TTC12: variants seen among roughly 807,000 people sequenced by gnomAD.
The protein encoded by TTC12 is tetratricopeptide repeat protein 12.
A neutral mutation model predicts 90.1 loss-of-function variants in TTC12; 70 were observed. The ratio of observed to expected loss-of-function variants is 0.78; its 90% CI spans 0.64 to 0.95. The LOEUF is 0.95. Ranked by LOEUF, TTC12 falls within the 40% of genes least tolerant of loss-of-function variation. The probability of loss-of-function intolerance (pLI) is 0.00; values close to 1 mark genes in which losing one functional copy is unlikely to be tolerated. For missense variants in TTC12, 819 were observed against 846.1 expected (o/e 0.97, Z 0.40); for synonymous variants, 296 against 311.5 (o/e 0.95, Z 0.53).
chr11:113,314,780 T>G (rs553039515), intron 1 of TTC12, 162 bp downstream of exon 1: 18 of 139,896 alleles, frequency 1.3e-4, no homozygotes, highest in African/African-American at 4.9e-4. Context: ...GCCCGGGACT[T>G]GCGGACGCCT....
intron 1 of TTC12, among the ~76,000 whole-genome samples, chr11:113,315,739 T>G (rs2137895616): frequency 6.6e-6 from 1 of 152,342 alleles, no homozygotes; most frequent in South Asian, 2.1e-4. Flanking sequence ...TTCAGTCAAT[T>G]TGTACCCTTT....
chr11:113,343,300 T>C (rs1381953464), intron 12 of TTC12, among the ~76,000 whole-genome samples: 1 of 152,254 alleles, frequency 6.6e-6, no homozygotes, highest in Non-Finnish European at 1.5e-5. Flanking sequence ...GAATTATTTA[T>C]ATCAAGGTAC....
intron 3 of TTC12, among the ~76,000 whole-genome samples, 167 bp downstream of exon 3, chr11:113,323,618 T>C (rs1438403336): frequency 1.3e-5 from 2 of 152,242 alleles, no homozygotes; most frequent in Non-Finnish European, 2.9e-5. Context: ...CCTTTGATCT[T>C]TCTGGGTTAT....
intron 16 of TTC12, among the ~76,000 whole-genome samples, chr11:113,352,867 G>A (rs1555150910): frequency 6.6e-6 from 1 of 152,138 alleles, no homozygotes; most frequent in African/African-American, 2.4e-5. Flanking sequence ...TGGGCATTTA[G>A]GTTGATTCCA....
At position 113,334,962 on chromosome 11, in the gene TTC12, G is replaced by T; in HGVS notation, c.505-4G>T. 6.2e-7 allele frequency: 1 copy of T among 1,612,596 alleles called. No homozygotes were observed. The highest frequency in any genetic ancestry group is 1.1e-5 in the South Asian group (1 of 91,020). On this transcript the variant is annotated splice_polypyrimidine_tract_variant and splice_region_variant and intron_variant, in intron 7 of 21. Coordinates refer to ENST00000529221, the MANE Select transcript of TTC12 (RefSeq NM_017868.4). The stretch of plus-strand genomic sequence containing the variant: ...CTTCTGATCAGTCATTCTCTTTTAT[G>T]CAGTGTGATGAAAAATGCACAAAAG...
chr11:113,365,829 C>T (rs545462979), intron 21 of TTC12, among the ~76,000 whole-genome samples: 9 of 152,238 alleles, frequency 5.9e-5, no homozygotes, highest in African/African-American at 2.2e-4. Context: ...AGGGGGTTGG[C>T]CTTGATAATA....
chr11:113,339,554 A>G, intron 10 of TTC12, 80 bp downstream of exon 10: 1 of 1,265,192 alleles, frequency 7.9e-7, no homozygotes, highest in Non-Finnish European at 1.1e-6. Context: ...TACCAGGCCA[A>G]GAATCCCTCC....
At chr11:113,350,236 G>T in intron 14 of TTC12, 71 bp downstream of exon 14, 1 of 1,247,036 alleles carries the variant, frequency 8.0e-7, no homozygotes. Flanking sequence ...CTTTAAAAAT[G>T]TGCTGTATTC....
chr11:113,325,501 C>G, intron 5 of TTC12, 23 bp from the exon 6 acceptor site: 2 of 1,611,556 alleles, frequency 1.2e-6, no homozygotes, highest in Non-Finnish European at 1.7e-6. Context: ...GAGAGCTCAC[C>G]TGTGTAACTT....
intron 16 of TTC12, among the ~76,000 whole-genome samples, chr11:113,355,090 G>A (rs1455120535): frequency 6.6e-6 from 1 of 152,108 alleles, no homozygotes; most frequent in African/African-American, 2.4e-5. Context: ...CTGGTCCTGG[G>A]CTTTTTTTGA....
Position 113,351,300 on chromosome 11 carries a change from G to A in TTC12, c.1308+1G>A, listed in dbSNP as rs1949277936. On this transcript the variant is annotated splice_donor_variant, in intron 15 of 21. Coordinates refer to ENST00000529221, the MANE Select transcript of TTC12 (RefSeq NM_017868.4). LOFTEE classifies it high-confidence loss of function. ...TCTCCCTGCACTCACAGGCGTTCTG[G>A]TGAGCAAACTGTCATTTTCATCCTC... 6.2e-7 allele frequency: 1 copy of A among 1,613,748 alleles called. No individual in the cohort carries two copies. Among genetic ancestry groups the A allele is most frequent in the South Asian group, 1.1e-5 (1 of 91,054 alleles).
intron 4 of TTC12, 73 bp downstream of exon 4, chr11:113,324,088 A>T: frequency 1.6e-6 from 2 of 1,253,780 alleles, no homozygotes; most frequent in Non-Finnish European, 2.3e-6. Flanking sequence ...TAGCTCCCAG[A>T]CCCTTAAATT....
At position 113,327,789 on chromosome 11, in the gene TTC12, T is replaced by G. The variant is rs1947782926; in HGVS notation, c.445-2131T>G. On this transcript the variant is annotated intron_variant, in intron 6 of 21. Transcript: ENST00000529221. ...CAGCTTCCTCTTCACATCCTCTAAT[T>G]TTCAAATGAAACCTGAGACCCTGGA... Among the ~76,000 whole-genome samples, 5 of 152,136 alleles carry G rather than the reference T, an allele frequency of 3.3e-5. No individual in the cohort carries two copies. In the South Asian group the frequency reaches 1.0e-3, roughly 32 times the overall value.
rs184626200 is a variant in TTC12, at chr11:113,324,927, C to T, written c.322+245C>T. Among the ~76,000 whole-genome samples the T allele has an allele frequency of 1.1e-3, 162 of 152,246 alleles. 1 individual carries two copies. Among genetic ancestry groups the T allele is most frequent in the Non-Finnish European group, 1.9e-3 (131 of 68,030 alleles). On this transcript the variant is annotated intron_variant, in intron 5 of 21. Transcript: ENST00000529221. ...CCTCTTTCTGAAGCTTCCCTGTGCACTTAGCAGAGCAAAGTGAATTGTACT... is the reference window on the plus strand; with the variant it reads ...CCTCTTTCTGAAGCTTCCCTGTGCATTTAGCAGAGCAAAGTGAATTGTACT...
chr11:113,361,663 G>T (rs1949934703), intron 18 of TTC12, among the ~76,000 whole-genome samples: 1 of 152,102 alleles, frequency 6.6e-6, no homozygotes, highest in Admixed American at 6.5e-5. Context: ...AGTATACGGG[G>T]GTGCCACCTC....
chr11:113,349,467 A>G (rs1286022994), intron 13 of TTC12, among the ~76,000 whole-genome samples: 4 of 152,178 alleles, frequency 2.6e-5, no homozygotes, highest in South Asian at 4.1e-4. Flanking sequence ...GTTTTTTGGC[A>G]TCTGTGTTAG....
chr11:113,365,142 A>G lies in TTC12; in HGVS notation c.2042+82A>G, dbSNP rs7949242. On this transcript the variant is annotated intron_variant, in intron 21 of 21. Coordinates refer to ENST00000529221, the MANE Select transcript of TTC12 (RefSeq NM_017868.4). ...GGTGCTGAGTTTTGGCTGGGACTGC[A>G]TGCCACACAGAACAGTGTGGGAAGC... 229,172 of 1,254,862 alleles carry G rather than the reference A, an allele frequency of 0.18. 26,671 individuals carry two copies. The highest frequency in any genetic ancestry group is 0.54 in the East Asian group (22,102 of 41,052). 77.7% of individuals were successfully genotyped at this position (1,254,862 alleles called of 1,614,324 possible).
rs1950205500 is a variant in TTC12 at position 113,366,254 on chromosome 11, G to C, written c.2072G>C (p.Gly691Ala). The C allele has an allele frequency of 6.2e-7, 1 of 1,613,654 alleles. No homozygotes were observed. Among genetic ancestry groups the C allele is most frequent in the Non-Finnish European group, 8.5e-7 (1 of 1,180,032 alleles). ...GCTGCTCAACTGAGAAAGCTTCATG[G>C]CCTAGAAATTCTCAACTCTACGATG... is the stretch of plus-strand genomic sequence containing the variant. Reference protein sequence around the residue: ...RFAAQLRKLHGLEILNSTMKY... With the variant: ...RFAAQLRKLHALEILNSTMKY... Residue 691 changes from glycine to alanine, a missense_variant, in exon 22 of 22, where the codon GGC becomes GCC. Coordinates refer to ENST00000529221, the MANE Select transcript of TTC12 (RefSeq NM_017868.4).
chr11:113,344,434 T>C lies in TTC12; in HGVS notation c.1148T>C (p.Leu383Pro). ...AGCCTGATCATCAACCACCTTGACC[T>C]GACCAGGTAAGCCTCTGCTGGCAGG... ...GRSLIINHLDLTRLLEALVSF... is the reference protein window; with the variant it reads ...GRSLIINHLDPTRLLEALVSF... Residue 383 changes from leucine to proline, a missense_variant, in exon 13 of 22, where the codon CTG becomes CCG. Leu to Pro is a moderately conservative substitution (Grantham distance 98). Coordinates refer to ENST00000529221, the MANE Select transcript of TTC12 (RefSeq NM_017868.4). 1 of 1,612,176 alleles carries C rather than the reference T, an allele frequency of 6.2e-7. No homozygotes were observed. Among genetic ancestry groups the C allele is most frequent in the Non-Finnish European group, 8.5e-7 (1 of 1,178,732 alleles).
Sources: gnomAD v4.1 joint callset for allele counts (sites outside exome capture counted in the v4.1 genomes callset) on GRCh38, gnomAD v4.1.1 for gene constraint, MANE v1.5 for transcripts, NCBI Gene and HGNC (gene_info 2026-07-23, HGNC 2026-07-21) for gene names.